The following ARHGAP25 variants were observed in gnomAD, a reference collection of about 807,000 sequenced individuals.
ARHGAP25 encodes rho GTPase-activating protein 25.
ARHGAP25 carries 34 observed loss-of-function variants against 71.0 expected under a neutral mutation model. The ratio of observed to expected loss-of-function variants is 0.48; its 90% CI spans 0.36 to 0.64. The LOEUF is 0.64. Among genes scored for constraint, ARHGAP25 ranks in the 30% least tolerant of loss-of-function variants. ARHGAP25 has a pLI of 0.00. For missense variants in ARHGAP25, 706 were observed against 805.1 expected (o/e 0.88, Z 1.49); for synonymous variants, 282 against 296.5 (o/e 0.95, Z 0.50).
intron 3 of ARHGAP25, among the ~76,000 whole-genome samples, chr2:68,785,459 C>G (rs1302952182): frequency 1.3e-5 from 2 of 151,874 alleles, no homozygotes; most frequent in Non-Finnish European, 2.9e-5. Context: ...AAAAAGAAAT[C>G]GATGTTGACT....
At chr2:68,820,188 A>C (rs986860236) in intron 9 of ARHGAP25, among the ~76,000 whole-genome samples, 10 of 152,252 alleles carry the variant, frequency 6.6e-5, no homozygotes, top group Admixed American at 5.9e-4. Flanking sequence ...TCATGTAACA[A>C]GATCATCCCA....
chr2:68,772,736 A>G (rs1460469814), intron 1 of ARHGAP25, among the ~76,000 whole-genome samples: 3 of 152,208 alleles, frequency 2.0e-5, no homozygotes, highest in African/African-American at 7.2e-5. Flanking sequence ...TCATTTCCAC[A>G]GCCTTAGAGC....
chr2:68,816,354 C>G lies in ARHGAP25; in HGVS notation c.873C>G (p.Tyr291Ter). 6.2e-7 allele frequency: 1 copy of G among 1,612,686 alleles called. No homozygotes were observed. The highest frequency in any genetic ancestry group is 8.5e-7 in the Non-Finnish European group (1 of 1,178,726). Residue 291 changes from tyrosine (Y) to a stop codon, truncating the protein, a stop_gained, in exon 7 of 11, where the codon TAC becomes TAG. Coordinates refer to ENST00000409202, the MANE Select transcript of ARHGAP25 (RefSeq NM_001007231.3). LOFTEE classifies it high-confidence loss of function. ...GTGACAACTATAGTCTCCTGAGCTA[C>G]ATCTGCAGGTGAGAGGCCCCTGGTA... ...LPRDNYSLLS[Y>*]ICRFLHEIQL... is the part of the protein sequence containing the mutation.
At chr2:68,760,878 A>G (rs1347102182) in intron 1 of ARHGAP25, among the ~76,000 whole-genome samples, 1 of 125,364 alleles carries the variant, frequency 8.0e-6, no homozygotes, top group Non-Finnish European at 1.7e-5. Context: ...AAAAAAAAAA[A>G]AAATTTTTGA....
intron 1 of ARHGAP25, among the ~76,000 whole-genome samples, chr2:68,757,259 A>G (rs1240275528): frequency 6.6e-6 from 1 of 152,210 alleles, no homozygotes; most frequent in Non-Finnish European, 1.5e-5. Flanking sequence ...ATTTGAAGAA[A>G]TAATGATGGA....
At chr2:68,783,561 C>G (rs1678506296) in intron 3 of ARHGAP25, among the ~76,000 whole-genome samples, 1 of 151,710 alleles carries the variant, frequency 6.6e-6, no homozygotes, top group African/African-American at 2.4e-5. Flanking sequence ...CTCCCCAGTT[C>G]AAGCAATTCT....
At chr2:68,737,647 AT>A (rs1313224748) in intron 1 of ARHGAP25, among the ~76,000 whole-genome samples, 2 of 152,214 alleles carry the variant, frequency 1.3e-5, no homozygotes, top group African/African-American at 4.8e-5. Flanking sequence ...ATATAAGGTC[AT>A]TTGGGACTAG....
At chr2:68,718,344 T>G (rs1387159712) in intron 2 of ARHGAP25, among the ~76,000 whole-genome samples, 1 of 152,176 alleles carries the variant, frequency 6.6e-6, no homozygotes, top group African/African-American at 2.4e-5. Context: ...GATGGCCCCT[T>G]TCTTCCATCT....
chr2:68,748,863 A>C (rs2104309462), intron 1 of ARHGAP25, among the ~76,000 whole-genome samples: 1 of 152,308 alleles, frequency 6.6e-6, no homozygotes, highest in South Asian at 2.1e-4. Context: ...CTATAATCAA[A>C]GTCTTCTTGA....
intron 2 of ARHGAP25, chr2:68,775,629 G>A (rs1205659170): frequency 6.5e-6 from 5 of 769,140 alleles, no homozygotes; most frequent in Admixed American, 4.1e-5. Context: ...GCACCAGGAC[G>A]GGCACTGTGG....
chr2:68,803,668 G>T lies in ARHGAP25; in HGVS notation c.467-3605G>T, dbSNP rs558380563. 5.9e-5 allele frequency among the ~76,000 whole-genome samples: 9 copies of T among 152,026 alleles called. No homozygotes were observed. In the South Asian group the frequency reaches 1.9e-3, roughly 32 times the overall value. On this transcript the variant is annotated intron_variant, in intron 4 of 10. Coordinates refer to ENST00000409202, the MANE Select transcript of ARHGAP25 (RefSeq NM_001007231.3). ...CAGTAAGTACTGGAAGAGATGGAAG[G>T]AATGGAACCCACAGTTCAAGAAGGC...
chr2:68,812,937 TAG>T (rs1680936346), intron 5 of ARHGAP25, among the ~76,000 whole-genome samples: 1 of 152,194 alleles, frequency 6.6e-6, no homozygotes, highest in African/African-American at 2.4e-5. Context: ...CAAGCAATAT[TAG>T]AGACTAATTA....
In ARHGAP25 at chr2:68,734,849, T is replaced by C. The variant is rs1321857285; in HGVS notation, c.-351T>C. The C allele has an allele frequency of 2.8e-5, 9 of 317,546 alleles. No individual in the cohort carries two copies. The highest frequency in any genetic ancestry group is 4.7e-5 in the Non-Finnish European group (8 of 170,434). 19.7% of individuals were successfully genotyped at this position (317,546 alleles called of 1,614,324 possible). A position where few individuals can be genotyped will look rare whatever the true frequency, so the allele number is the denominator to read the frequency against. On this transcript the variant is annotated 5_prime_UTR_variant, in exon 1 of 11. Transcript: ENST00000409202. Reference sequence around the variant, plus strand: ...GACCTCAACTCAGTAAGGCCTGAGATTCTTTCGAAAAGGAGCTTTGCTTCC... The same window carrying C: ...GACCTCAACTCAGTAAGGCCTGAGACTCTTTCGAAAAGGAGCTTTGCTTCC...
At chr2:68,778,359 G>GA (rs1211035294) in intron 2 of ARHGAP25, among the ~76,000 whole-genome samples, 3 of 148,938 alleles carry the variant, frequency 2.0e-5, no homozygotes, top group Non-Finnish European at 4.5e-5. Context: ...TCCCATTCTT[G>GA]AAAAAAAAAG....
chr2:68,729,341 G>A (rs1674954255), intron 2 of ARHGAP25, among the ~76,000 whole-genome samples: 1 of 151,858 alleles, frequency 6.6e-6, no homozygotes, highest in Non-Finnish European at 1.5e-5. Flanking sequence ...AACAGTAACA[G>A]AGATGACAAA....
At chr2:68,796,903 T>C (rs556135951) in intron 4 of ARHGAP25, among the ~76,000 whole-genome samples, 1 of 152,332 alleles carries the variant, frequency 6.6e-6, no homozygotes, top group East Asian at 1.9e-4. Context: ...TGAAATGTTC[T>C]TCTAGTTCTC....
chr2:68,800,132 C>T (rs368792127), intron 4 of ARHGAP25, among the ~76,000 whole-genome samples: 1 of 151,882 alleles, frequency 6.6e-6, no homozygotes, highest in Non-Finnish European at 1.5e-5. Context: ...GGGTGGGGAG[C>T]GCTTCTGGAA....
chr2:68,751,659 G>A (rs551638268), intron 1 of ARHGAP25, among the ~76,000 whole-genome samples: 7 of 152,324 alleles, frequency 4.6e-5, no homozygotes, highest in Admixed American at 2.6e-4. Flanking sequence ...TAGAAATTGT[G>A]TGAAAAATTA....
At chr2:68,790,933 T>C (rs1679131509) in intron 4 of ARHGAP25, among the ~76,000 whole-genome samples, 1 of 152,118 alleles carries the variant, frequency 6.6e-6, no homozygotes, top group Non-Finnish European at 1.5e-5. Context: ...CTTCTGACCT[T>C]CTCCCGTGCT....
Sources: allele counts gnomAD v4.1 joint callset (sites outside exome capture counted in the v4.1 genomes callset), GRCh38; gene constraint gnomAD v4.1.1; transcripts MANE v1.5; gene names NCBI Gene and HGNC (gene_info 2026-07-23, HGNC 2026-07-21).